Variants in LMO7 observed in about 807,000 individuals in gnomAD.
The protein encoded by LMO7 is LIM domain only protein 7.
LMO7 carries 120 observed loss-of-function variants against 206.5 expected under a neutral mutation model. The observed-to-expected ratio is 0.58, with a 90% CI of 0.50 to 0.68. The LOEUF is 0.68. LMO7 is among the 30% of genes least tolerant of loss of function. The pLI is 0.00. For missense variants in LMO7, 1,959 were observed against 1,957.9 expected (o/e 1.00, Z -0.01); for synonymous variants, 706 against 681.5 (o/e 1.04, Z -0.56).
At chr13:75,804,895 AG>A in intron 8 of LMO7, 1 of 1,021,662 alleles carries the variant, frequency 9.8e-7, no homozygotes. Context: ...TTAATTTCTC[AG>A]CAAATTAGCA....
intron 1 of LMO7, among the ~76,000 whole-genome samples, chr13:75,698,030 C>T (rs2042020428): frequency 6.6e-6 from 1 of 152,082 alleles, no homozygotes; most frequent in Non-Finnish European, 1.5e-5. Flanking sequence ...TTTGTGATAT[C>T]TTTCGTGTGT....
At chr13:75,782,443 T>C (rs2051655741) in intron 4 of LMO7, among the ~76,000 whole-genome samples, 1 of 152,208 alleles carries the variant, frequency 6.6e-6, no homozygotes, top group African/African-American at 2.4e-5. Context: ...CTCTGTAAAA[T>C]GTGAATAACA....
chr13:75,840,354 G>T, intron 21 of LMO7, 37 bp from the exon 22 acceptor site: 4 of 1,610,638 alleles, frequency 2.5e-6, no homozygotes, highest in Non-Finnish European at 3.4e-6. Context: ...AAGTTATGTT[G>T]TTCTCTATTT....
At chr13:75,644,058 T>G (rs140204986) in intron 1 of LMO7, among the ~76,000 whole-genome samples, 2 of 152,290 alleles carry the variant, frequency 1.3e-5, no homozygotes, top group East Asian at 3.9e-4. Flanking sequence ...TGACTCAGTA[T>G]TCTGAAGATC....
At chr13:75,747,054 T>A (rs1371873214) in intron 3 of LMO7, among the ~76,000 whole-genome samples, 1 of 152,166 alleles carries the variant, frequency 6.6e-6, no homozygotes, top group Non-Finnish European at 1.5e-5. Flanking sequence ...GTGTAGCTAA[T>A]GTCCTAAATA....
intron 11 of LMO7, among the ~76,000 whole-genome samples, chr13:75,811,362 A>G (rs1306193360): frequency 6.6e-6 from 1 of 151,886 alleles, no homozygotes; most frequent in African/African-American, 2.4e-5. Context: ...GCTTTTCTTA[A>G]GTAGATCTGC....
intron 1 of LMO7, among the ~76,000 whole-genome samples, chr13:75,668,184 G>A (rs139612765): frequency 2.4e-4 from 36 of 152,278 alleles, no homozygotes; most frequent in African/African-American, 8.2e-4. Context: ...CCCCAGCCTG[G>A]GTGATAGAGT....
At chr13:75,811,662 C>T (rs767975344) in intron 11 of LMO7, among the ~76,000 whole-genome samples, 1 of 152,148 alleles carries the variant, frequency 6.6e-6, no homozygotes, top group African/African-American at 2.4e-5. Context: ...CGTTTAACAC[C>T]TGTCAGTTTG....
chr13:75,725,021 G>T (rs2044345046), intron 2 of LMO7, among the ~76,000 whole-genome samples: 1 of 152,054 alleles, frequency 6.6e-6, no homozygotes. Context: ...TTCTGATGAG[G>T]GAAGTGTTAA....
upstream of LMO7, among the ~76,000 whole-genome samples, chr13:75,635,311 G>A (rs150308178): frequency 9.4e-4 from 143 of 152,260 alleles, 2 homozygotes; most frequent in East Asian, 0.021. Context: ...CCTGGATAGT[G>A]CCTCAGGAGC....
At chr13:75,837,365 C>T (rs909388974) in intron 19 of LMO7, among the ~76,000 whole-genome samples, 3 of 152,074 alleles carry the variant, frequency 2.0e-5, no homozygotes, top group Non-Finnish European at 2.9e-5. Flanking sequence ...GGTCCTATTC[C>T]GCAGTGACTC....
rs190179934 is a variant in LMO7 at position 75,808,054 on chromosome 13, C to T, written c.1771C>T (p.Arg591Cys). Residue 591 changes from arginine (R) to cysteine (C), a missense_variant, in exon 10 of 31, where the codon CGT (arginine) becomes TGT (cysteine). Physicochemically the swap from Arg to Cys is radical, Grantham distance 180 (BLOSUM62 -3). Transcript: ENST00000377534. The part of the protein sequence containing the change: ...YRQKKDDMLT[R>C]KIQSWKLGTT... ...GCAGAAGAAAGATGACATGCTGACA[C>T]GTAAGATTCAGTCCTGGAAACTGGG... 6.8e-6 allele frequency: 11 copies of T among 1,613,932 alleles called. No homozygotes were observed. Among genetic ancestry groups the T allele is most frequent in the South Asian group, 6.6e-5 (6 of 91,076 alleles).
chr13:75,808,693 A>G (rs2141091409), intron 10 of LMO7, among the ~76,000 whole-genome samples: 1 of 152,276 alleles, frequency 6.6e-6, no homozygotes, highest in Non-Finnish European at 1.5e-5. Context: ...TTTATTTATG[A>G]AGTTCAGAGT....
intron 16 of LMO7, among the ~76,000 whole-genome samples, chr13:75,833,385 A>AG (rs2058845395): frequency 6.6e-6 from 1 of 152,154 alleles, no homozygotes; most frequent in African/African-American, 2.4e-5. Flanking sequence ...AGTTTTGAAG[A>AG]GTCTTAATTT....
chr13:75,772,673 AG>A (rs2049914546), intron 4 of LMO7, among the ~76,000 whole-genome samples: 1 of 152,156 alleles, frequency 6.6e-6, no homozygotes, highest in East Asian at 1.9e-4. Context: ...GACTAAATGA[AG>A]GAATTCTTTT....
At chr13:75,670,832 TTTTTA>T (rs2039498713) in intron 1 of LMO7, among the ~76,000 whole-genome samples, 1 of 152,172 alleles carries the variant, frequency 6.6e-6, no homozygotes, top group South Asian at 2.1e-4. Flanking sequence ...CACTGTAACT[TTTTTA>T]TTTTAATATC....
intron 4 of LMO7, among the ~76,000 whole-genome samples, chr13:75,789,956 G>A (rs756589224): frequency 3.3e-5 from 5 of 152,122 alleles, no homozygotes; most frequent in Non-Finnish European, 7.4e-5. Context: ...GCCAAGGCAG[G>A]CCCTGGTAAA....
At chr13:75,626,036 G>A (rs560539774) in intron 2 of LMO7, among the ~76,000 whole-genome samples, 2 of 152,252 alleles carry the variant, frequency 1.3e-5, no homozygotes, top group South Asian at 2.1e-4. Context: ...GGTGAGGTTC[G>A]CTTAAGATCA....
exon 1 of LMO7, chr13:75,620,763 A>AGCTTTCCCACTAAGTG (rs535897083): frequency 1.5e-4 from 23 of 152,304 alleles, no homozygotes; most frequent in Non-Finnish European, 3.4e-4. Flanking sequence ...CCAATTGATA[A>AGCTTTCCCACTAAGTG]GCTTTCCCAC....
Sources: allele counts gnomAD v4.1 joint callset (sites outside exome capture counted in the v4.1 genomes callset), GRCh38; gene constraint gnomAD v4.1.1; transcripts MANE v1.5; gene names NCBI Gene and HGNC (gene_info 2026-07-23, HGNC 2026-07-21).